S100Z: variants seen among roughly 807,000 people sequenced by gnomAD.
The protein encoded by S100Z is protein S100-Z.
S100Z carries 11 observed loss-of-function variants against 8.5 expected under a neutral mutation model. The observed-to-expected ratio is 1.30, with a 90% confidence interval of 0.82 to 2.15. S100Z has a LOEUF of 2.15. S100Z is among the 30% of genes most tolerant of loss of function. The probability of loss-of-function intolerance (pLI) is 0.00; values close to 1 mark genes in which losing one functional copy is unlikely to be tolerated. For synonymous variants in S100Z, 34 were observed against 43.8 expected, an observed-to-expected ratio of 0.78 and a Z score of 0.89; for missense variants, 126 against 117.9, an observed-to-expected ratio of 1.07 and a Z score of -0.32.
At chr5:76,887,867 C>G (rs1277685755) in intron 4 of S100Z, among the ~76,000 whole-genome samples, 2 of 152,064 alleles carry the variant, frequency 1.3e-5, no homozygotes, top group Non-Finnish European at 2.9e-5. Flanking sequence ...GCAGATAGGA[C>G]AGGGAGAATT....
the S100Z span, among the ~76,000 whole-genome samples, chr5:76,927,598 A>G: frequency 6.6e-6 from 1 of 152,260 alleles, no homozygotes; most frequent in African/African-American, 2.4e-5. Context: ...GACCCTTCCA[A>G]TAGTGGCTTA....
At chr5:76,925,372 C>T (rs1370469350), downstream of S100Z, among the ~76,000 whole-genome samples, 3 of 152,102 alleles carry the variant, frequency 2.0e-5, no homozygotes, top group African/African-American at 4.8e-5. Flanking sequence ...TAACCATAAC[C>T]GGGGCTTCGC....
chr5:76,878,535 C>A (rs1435458412), intron 4 of S100Z, among the ~76,000 whole-genome samples: 1 of 152,218 alleles, frequency 6.6e-6, no homozygotes. Context: ...CTTTCCTGCT[C>A]CAACCCTGAG....
chr5:76,859,768 C>CAGAAAAAAAAA (rs1750997952), intron 1 of S100Z, among the ~76,000 whole-genome samples: 1 of 97,664 alleles, frequency 1.0e-5, no homozygotes, highest in Non-Finnish European at 2.0e-5. Context: ...GCAACAGAGC[C>CAGAAAAAAAAA]AAAAAAAAAA....
chr5:76,888,887 T>C (rs1743757642), intron 4 of S100Z, among the ~76,000 whole-genome samples: 1 of 152,220 alleles, frequency 6.6e-6, no homozygotes, highest in African/African-American at 2.4e-5. Flanking sequence ...AGAAACTTGG[T>C]CCACCAAACA....
chr5:76,884,510 T>C (rs1334332107), intron 4 of S100Z, among the ~76,000 whole-genome samples: 2 of 152,164 alleles, frequency 1.3e-5, no homozygotes, highest in South Asian at 2.1e-4. Flanking sequence ...CCAGGTTAAA[T>C]TGTAGGACAG....
chr5:76,936,680 GA>G, the S100Z span, among the ~76,000 whole-genome samples: 1 of 149,602 alleles, frequency 6.7e-6, no homozygotes, highest in Non-Finnish European at 1.5e-5. Context: ...ACAACAGCAA[GA>G]ATGTTTTGGA....
intron 1 of S100Z, among the ~76,000 whole-genome samples, chr5:76,853,641 C>CA (rs1750794156): frequency 6.6e-6 from 1 of 151,752 alleles, no homozygotes; most frequent in South Asian, 2.1e-4. Flanking sequence ...AGTAAAAACA[C>CA]AAAAAATTAG....
chr5:76,881,639 A>G (rs1403145631), intron 4 of S100Z, among the ~76,000 whole-genome samples: 1 of 152,232 alleles, frequency 6.6e-6, no homozygotes, highest in East Asian at 1.9e-4. Flanking sequence ...ATGACGATAG[A>G]CTAGAATGGG....
At chr5:76,939,248 G>T in the S100Z span, among the ~76,000 whole-genome samples, 59,208 of 150,404 alleles carry the variant, frequency 0.39, 13,373 homozygotes, top group South Asian at 0.64. Context: ...CGCCTCCCGG[G>T]TTCATGCCAT....
At chr5:76,878,471 T>G (rs1452741573) in intron 4 of S100Z, among the ~76,000 whole-genome samples, 3 of 152,204 alleles carry the variant, frequency 2.0e-5, no homozygotes, top group African/African-American at 4.8e-5. Context: ...TGTTTCCCCC[T>G]GGGGCTGAGC....
the S100Z span, among the ~76,000 whole-genome samples, chr5:76,934,869 T>C: frequency 1.4e-5 from 2 of 145,580 alleles, no homozygotes; most frequent in African/African-American, 5.1e-5. Flanking sequence ...GACAATAAGC[T>C]CTAGGAGTTG....
the S100Z span, among the ~76,000 whole-genome samples, chr5:76,937,094 G>A: frequency 6.6e-6 from 1 of 152,130 alleles, no homozygotes; most frequent in Non-Finnish European, 1.5e-5. Context: ...TTCCACTCAG[G>A]TCCAGGACAC....
intron 4 of S100Z, among the ~76,000 whole-genome samples, chr5:76,908,514 C>T (rs1014046161): frequency 7.2e-5 from 11 of 152,186 alleles, no homozygotes; most frequent in African/African-American, 2.7e-4. Context: ...CTCGTATAAA[C>T]TTCAGGACTC....
intron 4 of S100Z, among the ~76,000 whole-genome samples, chr5:76,899,830 A>T (rs116408499): frequency 6.6e-6 from 1 of 152,164 alleles, no homozygotes; most frequent in African/African-American, 2.4e-5. Flanking sequence ...ACTTACTATT[A>T]TCAGTGAGTT....
intron 4 of S100Z, among the ~76,000 whole-genome samples, chr5:76,901,052 G>A (rs111850372): frequency 0.028 from 4,275 of 150,208 alleles, 94 homozygotes; most frequent in African/African-American, 0.054. Flanking sequence ...TCTAGTTCTC[G>A]TCCCTTACTT....
chr5:76,864,776 T>G (rs1459268889), intron 1 of S100Z, among the ~76,000 whole-genome samples: 2 of 152,126 alleles, frequency 1.3e-5, no homozygotes, highest in Non-Finnish European at 2.9e-5. Context: ...TGGCACGATC[T>G]CGGCTCGCTG....
At chr5:76,913,226 T>C (rs1425150117) in intron 4 of S100Z, among the ~76,000 whole-genome samples, 1 of 152,104 alleles carries the variant, frequency 6.6e-6, no homozygotes, top group African/African-American at 2.4e-5. Flanking sequence ...ACCCAGCAGG[T>C]TTCCTAACAG....
At chr5:76,877,628 A>G (rs749370367) in intron 3 of S100Z, 46 bp from the exon 4 acceptor site, 1 of 1,176,354 alleles carries the variant, frequency 8.5e-7, no homozygotes, top group Non-Finnish European at 1.2e-6. Context: ...AATTGTCATC[A>G]TGAACCTCAG....
Sources: allele counts gnomAD v4.1 joint callset (sites outside exome capture counted in the v4.1 genomes callset), GRCh38; gene constraint gnomAD v4.1.1; transcripts MANE v1.5; gene names NCBI Gene and HGNC (gene_info 2026-07-23, HGNC 2026-07-21).